TMEM135: variants seen among roughly 807,000 people sequenced by gnomAD.
The protein encoded by TMEM135 is peroxisomal membrane protein 52.
A neutral mutation model predicts 60.3 loss-of-function variants in TMEM135; 30 were observed. The ratio of observed to expected loss-of-function variants is 0.50; its 90% CI spans 0.37 to 0.68. The LOEUF (loss-of-function observed/expected upper bound fraction) is 0.68, where lower values mean the gene tolerates loss of function less well. Ranked by LOEUF, TMEM135 falls within the 30% of genes least tolerant of loss-of-function variation. The pLI, the probability that TMEM135 is intolerant of heterozygous loss-of-function variation, is 0.00. For synonymous variants in TMEM135, 190 were observed against 186.7 expected (o/e 1.02, Z -0.14); for missense variants, 468 against 548.8 (o/e 0.85, Z 1.47).
chr11:87,195,337 CCTTCCTTCCTT>C (rs1565482085), intron 5 of TMEM135, among the ~76,000 whole-genome samples: 1 of 100,690 alleles, frequency 9.9e-6, no homozygotes, highest in Non-Finnish European at 2.2e-5. Context: ...TTCCTTCCTT[CCTTCCTTCCTT>C]CCTTCCTTCC....
At chr11:87,138,835 A>G (rs1170455190) in intron 4 of TMEM135, among the ~76,000 whole-genome samples, 1 of 152,202 alleles carries the variant, frequency 6.6e-6, no homozygotes, top group Non-Finnish European at 1.5e-5. Context: ...GTTTTTATAT[A>G]GAGTACATAT....
intron 3 of TMEM135, among the ~76,000 whole-genome samples, chr11:87,079,035 GCTCTGTCTCACA>G: frequency 6.6e-6 from 1 of 151,628 alleles, no homozygotes; most frequent in Non-Finnish European, 1.5e-5. Flanking sequence ...GTGGAGTCTT[GCTCTGTCTCACA>G]CTCACTGGAG....
Position 87,326,155 on chromosome 11 carries a change from G to C in TMEM135, c.*4822G>C, listed in dbSNP as rs1012656183. 4 of 453,398 alleles carry C rather than the reference G, an allele frequency of 8.8e-6. No individual in the cohort carries two copies. Among genetic ancestry groups the C allele is most frequent in the African/African-American group, 6.0e-5 (3 of 49,718 alleles). 28.1% of individuals were successfully genotyped at this position (453,398 alleles called of 1,614,324 possible). On this transcript the variant is annotated 3_prime_UTR_variant, in exon 15 of 15. Coordinates refer to ENST00000305494, the MANE Select transcript of TMEM135 (RefSeq NM_022918.4). ...CCACCCCCAGCCTGCTGCCTCTGCA[G>C]AGCATAACATTCTAATCTTGTCAGA...
chr11:87,083,147 G>A (rs1857025801), intron 3 of TMEM135, among the ~76,000 whole-genome samples: 2 of 152,140 alleles, frequency 1.3e-5, no homozygotes, highest in African/African-American at 4.8e-5. Flanking sequence ...CACCCAGTAA[G>A]AGGGCAGCTT....
At chr11:87,238,384 A>C (rs1318516031) in intron 6 of TMEM135, among the ~76,000 whole-genome samples, 2 of 152,064 alleles carry the variant, frequency 1.3e-5, no homozygotes, top group African/African-American at 2.4e-5. Context: ...AGAGACAGCC[A>C]GGCTTTTAGA....
chr11:87,177,462 T>C (rs936949940), intron 5 of TMEM135, among the ~76,000 whole-genome samples: 3 of 152,158 alleles, frequency 2.0e-5, no homozygotes, highest in South Asian at 2.1e-4. Flanking sequence ...TGGAAACTTA[T>C]TAGATTTTAA....
intron 4 of TMEM135, chr11:87,096,623 A>G (rs1423054263): frequency 6.6e-6 from 1 of 152,246 alleles, no homozygotes; most frequent in Non-Finnish European, 1.5e-5. Context: ...ATTCTCAAAC[A>G]TAGGCATTCT....
intron 6 of TMEM135, chr11:87,258,966 C>T: frequency 6.6e-7 from 1 of 1,520,828 alleles, no homozygotes; most frequent in Non-Finnish European, 9.1e-7. Context: ...TTTGCATCTT[C>T]TCAGTCTCAA....
intron 14 of TMEM135, among the ~76,000 whole-genome samples, chr11:87,319,951 G>A (rs570053278): frequency 2.6e-5 from 4 of 152,114 alleles, no homozygotes; most frequent in Admixed American, 6.6e-5. Context: ...ATTTACCCTC[G>A]TGAGCCTAAG....
At position 87,309,510 on chromosome 11, in the gene TMEM135, C is replaced by T. The variant is rs1485102198; in HGVS notation, c.774C>T (p.Phe258=). The change falls in exon 10 of 15, where the codon TTC becomes TTT. Residue 258 remains phenylalanine, a synonymous_variant. Coordinates refer to ENST00000305494, the MANE Select transcript of TMEM135 (RefSeq NM_022918.4). The stretch of plus-strand genomic sequence containing the variant: ...TTTCTCCAAATTTCCTCTAGGGTTT[C>T]ATCAGAATGTTTAGCGTGGGGTACT... The part of the protein sequence containing the change: ...DNCISYCIKG[F]IRMFSVGYLI... 6.2e-7 allele frequency: 1 copy of T among 1,613,688 alleles called. No individual in the cohort carries two copies. Among genetic ancestry groups the T allele is most frequent in the Non-Finnish European group, 8.5e-7 (1 of 1,179,722 alleles).
At chr11:87,189,876 T>G (rs1030507077) in intron 5 of TMEM135, among the ~76,000 whole-genome samples, 24 of 151,944 alleles carry the variant, frequency 1.6e-4, no homozygotes, top group African/African-American at 5.3e-4. Flanking sequence ...TTGATCATGC[T>G]TTGCATTCCA....
At chr11:87,278,651 G>A (rs1361378189) in intron 6 of TMEM135, among the ~76,000 whole-genome samples, 1 of 152,066 alleles carries the variant, frequency 6.6e-6, no homozygotes, top group Non-Finnish European at 1.5e-5. Context: ...TGGGATTACA[G>A]GCATGAACCA....
At chr11:87,202,277 C>T (rs1384736834) in intron 5 of TMEM135, among the ~76,000 whole-genome samples, 4 of 152,110 alleles carry the variant, frequency 2.6e-5, no homozygotes, top group South Asian at 2.1e-4. Flanking sequence ...CCACCCACCT[C>T]GACCTCCCAA....
chr11:87,079,843 CTT>C (rs139184730), intron 3 of TMEM135, among the ~76,000 whole-genome samples: 2,187 of 107,896 alleles, frequency 0.02, 44 homozygotes, highest in African/African-American at 0.078. Context: ...CTTTTCTTTT[CTT>C]TTTTTTTTTT....
At chr11:87,245,258 G>A (rs1276964004) in intron 6 of TMEM135, among the ~76,000 whole-genome samples, 21 of 151,088 alleles carry the variant, frequency 1.4e-4, no homozygotes, top group Admixed American at 8.6e-4. Context: ...GCTGAGGAGA[G>A]CTTTACTTCC....
intron 6 of TMEM135, among the ~76,000 whole-genome samples, chr11:87,240,831 T>G (rs1246239502): frequency 6.6e-6 from 1 of 152,156 alleles, no homozygotes; most frequent in African/African-American, 2.4e-5. Flanking sequence ...CTAGAAATTC[T>G]TTCCACATCC....
chr11:87,204,113 C>A (rs1452079921), intron 5 of TMEM135, among the ~76,000 whole-genome samples: 2 of 151,794 alleles, frequency 1.3e-5, no homozygotes, highest in East Asian at 3.9e-4. Context: ...TTTCAGTAAT[C>A]TAGGAAGTCT....
intron 6 of TMEM135, among the ~76,000 whole-genome samples, chr11:87,258,188 A>G (rs1941568356): frequency 3.1e-5 from 3 of 97,788 alleles, no homozygotes. Flanking sequence ...TATTTTGGGG[A>G]AAAGCCTTTT....
intron 2 of TMEM135, among the ~76,000 whole-genome samples, chr11:87,068,936 A>G (rs553417803): frequency 1.6e-4 from 24 of 152,090 alleles, no homozygotes; most frequent in Admixed American, 2.0e-4. Flanking sequence ...CTTTTATACT[A>G]TTGAACAAAT....
Sources: allele counts gnomAD v4.1 joint callset (sites outside exome capture counted in the v4.1 genomes callset), GRCh38; gene constraint gnomAD v4.1.1; transcripts MANE v1.5; gene names NCBI Gene and HGNC (gene_info 2026-07-23, HGNC 2026-07-21).